Variants in SHANK2 observed in about 807,000 individuals in gnomAD.
The protein encoded by SHANK2 is SH3 and multiple ankyrin repeat domains 2, also known as SH3 and multiple ankyrin repeat domains protein 2.
A neutral mutation model predicts 133.7 loss-of-function variants in SHANK2; 43 were observed. The ratio of observed to expected loss-of-function variants is 0.32; its 90% confidence interval spans 0.25 to 0.41. The LOEUF is 0.41. Ranked by LOEUF, SHANK2 falls within the 10% of genes least tolerant of loss-of-function variation. The pLI is 1.00. For synonymous variants in SHANK2, 1,017 were observed against 952.8 expected (o/e 1.07, Z -1.24); for missense variants, 1,994 against 2,235.8 (o/e 0.89, Z 2.18).
At chr11:70,532,638 GA>G (rs553345723) in intron 17 of SHANK2, among the ~76,000 whole-genome samples, 6,089 of 132,894 alleles carry the variant, frequency 0.046, 144 homozygotes, top group African/African-American at 0.07. Flanking sequence ...ATTGTCCATG[GA>G]AAAAAAAAAA....
chr11:71,199,522 A>C (rs1328467381), intron 2 of SHANK2, among the ~76,000 whole-genome samples: 1 of 152,248 alleles, frequency 6.6e-6, no homozygotes, highest in Non-Finnish European at 1.5e-5. Flanking sequence ...GGAGGAAGAC[A>C]CAGCAGCAAG....
intron 9 of SHANK2, among the ~76,000 whole-genome samples, chr11:71,057,945 AGTCT>A (rs1950941842): frequency 7.7e-6 from 1 of 130,480 alleles, no homozygotes; most frequent in Non-Finnish European, 1.5e-5. Context: ...ACAGGGTCTC[AGTCT>A]GTCACCCAGG....
intron 17 of SHANK2, among the ~76,000 whole-genome samples, chr11:70,583,740 TCCCTTC>T (rs2060213286): frequency 6.6e-6 from 1 of 152,166 alleles, no homozygotes; most frequent in East Asian, 1.9e-4. Flanking sequence ...AGGCTGTGTG[TCCCTTC>T]TGCAGTCTTT....
At chr11:70,727,282 G>T (rs17344297) in intron 14 of SHANK2, among the ~76,000 whole-genome samples, 4,418 of 152,362 alleles carry the variant, frequency 0.029, 80 homozygotes, top group Middle Eastern at 0.061. Flanking sequence ...CGGGGTGGAA[G>T]TATTACTATT....
At chr11:70,908,343 C>A (rs1353349279) in intron 10 of SHANK2, among the ~76,000 whole-genome samples, 1 of 152,180 alleles carries the variant, frequency 6.6e-6, no homozygotes, top group Non-Finnish European at 1.5e-5. Flanking sequence ...TTCTTCCATG[C>A]ATCCTCCCAT....
chr11:70,637,621 G>A (rs1190094251), intron 17 of SHANK2, among the ~76,000 whole-genome samples: 1 of 152,218 alleles, frequency 6.6e-6, no homozygotes, highest in Non-Finnish European at 1.5e-5. Context: ...GCTGCCCAGC[G>A]CTCAGGAAGG....
Position 70,569,114 on chromosome 11 carries a change from G to C in SHANK2, c.2062-66183C>G, listed in dbSNP as rs542546108. Among the ~76,000 whole-genome samples the C allele has an allele frequency of 6.6e-6, 1 of 152,198 alleles. No individual in the cohort carries two copies. Among genetic ancestry groups the C allele is most frequent in the Non-Finnish European group, 1.5e-5 (1 of 68,042 alleles). On this transcript the variant is annotated intron_variant, in intron 17 of 25. Transcript: ENST00000601538. This position sits in a 1 kb window ranked among gnomAD's most constrained non-coding sequence, Gnocchi z 5.1. ...CAGGAAAGCGAATCTGCCTTGACTT[G>C]TCCTGGATTCTGCAGGAAGGCCCCA...
chr11:70,631,605 G>A (rs2060991885), intron 17 of SHANK2, among the ~76,000 whole-genome samples: 1 of 152,246 alleles, frequency 6.6e-6, no homozygotes, highest in Non-Finnish European at 1.5e-5. Flanking sequence ...AGGTGACCCA[G>A]AGGGCGCTGG....
At chr11:70,833,485 C>A (rs1404692103) in intron 11 of SHANK2, among the ~76,000 whole-genome samples, 1 of 152,250 alleles carries the variant, frequency 6.6e-6, no homozygotes, top group Non-Finnish European at 1.5e-5. Context: ...AGGGAGGCCT[C>A]TGGTCCAGGG....
Position 70,492,394 on chromosome 11 carries a change from C to G in SHANK2, c.2380G>C (p.Val794Leu). 6.2e-7 allele frequency: 1 copy of G among 1,613,656 alleles called. No homozygotes were observed. The highest frequency in any genetic ancestry group is 8.5e-7 in the Non-Finnish European group (1 of 1,180,038). The change falls in exon 22 of 26, where the codon GTG becomes CTG. Residue 794 changes from valine to leucine, a missense_variant. Val to Leu is a conservative substitution (Grantham distance 32). Around this residue, in one of 5 missense-constraint regions of SHANK2, gnomAD observed 488 missense variants for 642.6 expected, o/e 0.76. Transcript: ENST00000601538. ...CTGGGCCGCTGCTTGATGGTCGCCA[C>G]CCTCGGTTCCACAGCCATGTTCTCA... Reference protein sequence around the residue: ...AAENMAVEPRVATIKQRPSSR... With the variant: ...AAENMAVEPRLATIKQRPSSR...
At chr11:70,577,068 GC>G in intron 17 of SHANK2, among the ~76,000 whole-genome samples, 1 of 152,148 alleles carries the variant, frequency 6.6e-6, no homozygotes, top group East Asian at 1.9e-4. Context: ...CTGGGGATGA[GC>G]TCCCCCAGTG....
chr11:70,604,255 C>T (rs2060543544), intron 17 of SHANK2: 1 of 152,320 alleles, frequency 6.6e-6, no homozygotes, highest in Non-Finnish European at 1.5e-5. Flanking sequence ...CTGGGAGACA[C>T]AAGTGAGCGG....
intron 17 of SHANK2, among the ~76,000 whole-genome samples, chr11:70,605,502 C>A (rs781962268): frequency 6.6e-6 from 1 of 152,264 alleles, no homozygotes; most frequent in African/African-American, 2.4e-5. Context: ...GCGATTAGCA[C>A]GCTGGGACCA....
chr11:70,757,421 G>A (rs1043580264), intron 14 of SHANK2, among the ~76,000 whole-genome samples: 1 of 152,228 alleles, frequency 6.6e-6, no homozygotes, highest in African/African-American at 2.4e-5. Context: ...TCTGGGAGCT[G>A]AAATGTCCCC....
At chr11:71,155,394 C>T (rs57989516) in intron 2 of SHANK2, among the ~76,000 whole-genome samples, 7,452 of 141,536 alleles carry the variant, frequency 0.053, 482 homozygotes, top group African/African-American at 0.15. Context: ...TGGACCTACC[C>T]CCGCCCACGC....
intron 6 of SHANK2, among the ~76,000 whole-genome samples, chr11:71,103,626 A>G (rs1245618215): frequency 6.6e-6 from 1 of 152,246 alleles, no homozygotes; most frequent in Non-Finnish European, 1.5e-5. Flanking sequence ...AACCACTGAT[A>G]TGGTTTGGAT....
chr11:70,568,261 T>C (rs2059992716), intron 17 of SHANK2, among the ~76,000 whole-genome samples: 1 of 152,130 alleles, frequency 6.6e-6, no homozygotes, highest in Non-Finnish European at 1.5e-5. Context: ...CGGCGCCGTC[T>C]CCAGCACCAG....
intron 9 of SHANK2, among the ~76,000 whole-genome samples, chr11:71,069,723 G>T (rs1565434599): frequency 6.6e-6 from 1 of 152,212 alleles, no homozygotes; most frequent in Non-Finnish European, 1.5e-5. Context: ...AAGGCAATGG[G>T]CTAGTCCAGA....
chr11:70,653,583 A>G (rs1489342244), intron 17 of SHANK2, among the ~76,000 whole-genome samples: 3 of 151,862 alleles, frequency 2.0e-5, no homozygotes, highest in Non-Finnish European at 2.9e-5. Context: ...AAAAAAAAAA[A>G]AAAAAAGAAA....
Sources: gnomAD v4.1 joint callset for allele counts (sites outside exome capture counted in the v4.1 genomes callset) on GRCh38, gnomAD v4.1.1 for gene constraint, gnomAD v4.1.1 regional missense constraint, Gnocchi (gnomAD v3.1) non-coding constraint, MANE v1.5 for transcripts, NCBI Gene and HGNC (gene_info 2026-07-23, HGNC 2026-07-21) for gene names.